Variants in TEKT2 observed in about 807,000 individuals in gnomAD.
TEKT2 encodes the protein tektin-2.
A neutral mutation model predicts 49.8 loss-of-function variants in TEKT2; 45 were observed. The ratio of observed to expected loss-of-function variants is 0.90; its 90% CI spans 0.71 to 1.16. TEKT2 has a LOEUF of 1.16. Ranked by LOEUF, TEKT2 falls within the 50% of genes most tolerant of loss-of-function variation. The pLI, the probability that TEKT2 is intolerant of heterozygous loss-of-function variation, is 0.00. For synonymous variants in TEKT2, 202 were observed against 224.6 expected (o/e 0.90, Z 0.90); for missense variants, 523 against 551.4 (o/e 0.95, Z 0.52).
In TEKT2 at chr1:36,087,471, C is replaced by CATCCGGCACCTGGAGGAGGAT; in HGVS notation, c.889_909dup (p.Ile297_Asp303dup). Reference sequence around the variant, plus strand: ...AGGAGATCGCTGAGCTGCAGGAGGACATCCGGCACCTGGAGGAGGATCTGC... The same window carrying CATCCGGCACCTGGAGGAGGAT: ...AGGAGATCGCTGAGCTGCAGGAGGACATCCGGCACCTGGAGGAGGATATCCGGCACCTGGAGGAGGATCTGC... On this transcript the variant is annotated inframe_insertion, in exon 8 of 10. Coordinates refer to ENST00000207457, the MANE Select transcript of TEKT2 (RefSeq NM_014466.3). The surrounding 1 kb of genome is among the most constrained non-coding windows in gnomAD (Gnocchi z 4.9). 8 of 1,613,782 alleles carry CATCCGGCACCTGGAGGAGGAT rather than the reference C, an allele frequency of 5.0e-6. No individual in the cohort carries two copies. Among genetic ancestry groups the CATCCGGCACCTGGAGGAGGAT allele is most frequent in the Non-Finnish European group, 5.9e-6 (7 of 1,180,028 alleles).
In TEKT2 at chr1:36,087,010, G is replaced by C; in HGVS notation, c.712G>C (p.Glu238Gln). ...RAEAEMKAAT[E>Q]LREATALTIA... is the part of the protein sequence containing the mutation. ...GGAGGCTGAGATGAAGGCAGCCACA[G>C]AGCTGAGGGAGGCCACTGCTCTAAC... The change falls in exon 6 of 10, where the codon GAG becomes CAG. Residue 238 changes from glutamate (E) to glutamine (Q), a missense_variant. Coordinates refer to ENST00000207457, the MANE Select transcript of TEKT2 (RefSeq NM_014466.3). The surrounding 1 kb of genome is among the most constrained non-coding windows in gnomAD (Gnocchi z 4.9). 1.2e-6 allele frequency: 2 copies of C among 1,614,010 alleles called. No homozygotes were observed. The highest frequency in any genetic ancestry group is 1.7e-6 in the Non-Finnish European group (2 of 1,180,032).
chr1:36,087,300 C>G lies in TEKT2; in HGVS notation c.844C>G (p.Gln282Glu). The change falls in exon 7 of 10, where the codon CAA (glutamine) becomes GAA (glutamate). Residue 282 changes from glutamine to glutamate, a missense_variant. Coordinates refer to ENST00000207457, the MANE Select transcript of TEKT2 (RefSeq NM_014466.3). The surrounding 1 kb of genome is among the most constrained non-coding windows in gnomAD (Gnocchi z 4.9). Reference sequence around the variant, plus strand: ...GAAAGTGTACAGTGAGCTCAAGTGGCAAGAGAAGAATGTGAGCATCTCCAG... The same window carrying G: ...GAAAGTGTACAGTGAGCTCAAGTGGGAAGAGAAGAATGTGAGCATCTCCAG... ...MEKVYSELKW[Q>E]EKNTLEEIAE... is the part of the protein sequence containing the mutation. The G allele has an allele frequency of 1.2e-6, 2 of 1,614,046 alleles. No individual in the cohort carries two copies. The highest frequency in any genetic ancestry group is 1.7e-6 in the Non-Finnish European group (2 of 1,180,024).
intron 3 of TEKT2, among the ~76,000 whole-genome samples, chr1:36,085,502 C>CTTTTCTT (rs1643356128): frequency 1.5e-5 from 2 of 131,408 alleles, no homozygotes; most frequent in African/African-American, 3.0e-5. Context: ...TTCTTTCTTT[C>CTTTTCTT]TTTTCTTTTT....
chr1:36,087,685 G>A lies in TEKT2; in HGVS notation c.1000-43G>A, dbSNP rs370708360. ...GTCAAGGGGCAGCACTCAGGTAAAG[G>A]ACAGTGTGGCTGACTTGGAACTCCC... On this transcript the variant is annotated intron_variant, in intron 8 of 9. Transcript: ENST00000207457. This position sits in a 1 kb window ranked among gnomAD's most constrained non-coding sequence, Gnocchi z 4.9. 73 of 1,612,632 alleles carry A rather than the reference G, an allele frequency of 4.5e-5. 1 individual carries two copies. Among genetic ancestry groups the A allele is most frequent in the Middle Eastern group, 1.6e-4 (1 of 6,082 alleles).
At position 36,086,919 on chromosome 1, in the gene TEKT2, T is replaced by G. The variant is rs774751065; in HGVS notation, c.633-12T>G. 1.1e-5 allele frequency: 17 copies of G among 1,613,834 alleles called. No individual in the cohort carries two copies. The highest frequency in any genetic ancestry group is 3.4e-6 in the Non-Finnish European group (4 of 1,180,022). On this transcript the variant is annotated splice_polypyrimidine_tract_variant and intron_variant, in intron 5 of 9. Transcript: ENST00000207457. Reference sequence around the variant, plus strand: ...ACACCCTCATGACCCCCATTTTCCCTGCCACCTGCAGCTCCACCACACTCC... The same window carrying G: ...ACACCCTCATGACCCCCATTTTCCCGGCCACCTGCAGCTCCACCACACTCC...
intron 4 of TEKT2, among the ~76,000 whole-genome samples, 162 bp downstream of exon 4, chr1:36,086,203 C>T (rs1570000507): frequency 2.0e-5 from 3 of 152,284 alleles, no homozygotes; most frequent in Non-Finnish European, 4.4e-5. Flanking sequence ...TAGCACTCTT[C>T]CCACTGCCTG....
In TEKT2 at chr1:36,087,618, G is replaced by C; in HGVS notation, c.999+36G>C. 1 of 1,613,380 alleles carries C rather than the reference G, an allele frequency of 6.2e-7. No individual in the cohort carries two copies. The highest frequency in any genetic ancestry group is 1.1e-5 in the South Asian group (1 of 91,030). On this transcript the variant is annotated intron_variant, in intron 8 of 9. Coordinates refer to ENST00000207457, the MANE Select transcript of TEKT2 (RefSeq NM_014466.3). This position sits in a 1 kb window ranked among gnomAD's most constrained non-coding sequence, Gnocchi z 4.9. ...GTCCCAGTGGCGCACGGGCCCCCTAGCCAAGGTTTTCTCATATTCCTGATG... is the reference window on the plus strand; with the variant it reads ...GTCCCAGTGGCGCACGGGCCCCCTACCCAAGGTTTTCTCATATTCCTGATG...
intron 3 of TEKT2, 156 bp from the exon 4 acceptor site, chr1:36,085,680 C>T (rs1643361075): frequency 2.6e-6 from 2 of 776,256 alleles, no homozygotes; most frequent in South Asian, 1.5e-5. Context: ...CCATCACTCC[C>T]AGCTAATTTT....
Position 36,087,677 on chromosome 1 carries a change from A to T in TEKT2, c.1000-51A>T. The T allele has an allele frequency of 6.2e-7, 1 of 1,612,446 alleles. No individual in the cohort carries two copies. ...GCACTGCTGTCAAGGGGCAGCACTC[A>T]GGTAAAGGACAGTGTGGCTGACTTG... On this transcript the variant is annotated intron_variant, in intron 8 of 9. Coordinates refer to ENST00000207457, the MANE Select transcript of TEKT2 (RefSeq NM_014466.3). The surrounding 1 kb of genome is among the most constrained non-coding windows in gnomAD (Gnocchi z 4.9).
chr1:36,087,486 G>GGA lies in TEKT2; in HGVS notation c.905_906dup (p.Asp303ArgfsTer8). 6.2e-7 allele frequency: 1 copy of GGA among 1,613,852 alleles called. No homozygotes were observed. Among genetic ancestry groups the GGA allele is most frequent in the East Asian group, 2.2e-5 (1 of 44,884 alleles). On this transcript the variant is annotated frameshift_variant, in exon 8 of 10. Transcript: ENST00000207457. LOFTEE classifies it high-confidence loss of function. This position sits in a 1 kb window ranked among gnomAD's most constrained non-coding sequence, Gnocchi z 4.9. ...TGCAGGAGGACATCCGGCACCTGGA[G>GGA]GAGGATCTGCGCACAAAGCTCCTGA...
rs757161612 is a variant in TEKT2, at chr1:36,087,284, C to T, written c.828C>T (p.Tyr276=). The change falls in exon 7 of 10, where the codon TAC becomes TAT. Residue 276 remains tyrosine (Y), a synonymous_variant. Transcript: ENST00000207457. The surrounding 1 kb of genome is among the most constrained non-coding windows in gnomAD (Gnocchi z 4.9). ...RKRLREMEKV[Y]SELKWQEKNT... is the part of the protein sequence containing the mutation. ...GGCTGCGGGAGATGGAGAAAGTGTA[C>T]AGTGAGCTCAAGTGGCAAGAGAAGA... 6.2e-7 allele frequency: 1 copy of T among 1,613,978 alleles called. No homozygotes were observed. Among genetic ancestry groups the T allele is most frequent in the Non-Finnish European group, 8.5e-7 (1 of 1,180,046 alleles).
Position 36,084,765 on chromosome 1 carries a change from G to A in TEKT2, c.-52-105G>A. 42 of 1,102,836 alleles carry A rather than the reference G, an allele frequency of 3.8e-5. No individual in the cohort carries two copies. The South Asian group carries it at 5.3e-4, about 14-fold the overall frequency. The allele number at this position is 1,102,836 out of a possible 1,614,324, so 68.3% of individuals were successfully genotyped here. ...GCTGTCTCCAAGCAGGCTTCCAGCA[G>A]GACAGGGCTCAGAGCAAAATGGACA... On this transcript the variant is annotated intron_variant, in intron 1 of 9. Transcript: ENST00000207457. This position sits in a 1 kb window ranked among gnomAD's most constrained non-coding sequence, Gnocchi z 4.1.
chr1:36,084,534 T>G lies in TEKT2; in HGVS notation c.-52-336T>G. 1 of 337,406 alleles carries G rather than the reference T, an allele frequency of 3.0e-6. No homozygotes were observed. The highest frequency in any genetic ancestry group is 7.6e-5 in the East Asian group (1 of 13,140). 20.9% of individuals were successfully genotyped at this position (337,406 alleles called of 1,614,324 possible). On this transcript the variant is annotated intron_variant, in intron 1 of 9. Coordinates refer to ENST00000207457, the MANE Select transcript of TEKT2 (RefSeq NM_014466.3). The surrounding 1 kb of genome is among the most constrained non-coding windows in gnomAD (Gnocchi z 4.1). ...AGGCATGGTTGGCTGGGGGCAGGTG[T>G]GGAAAATGCATTAAGGGCAATTTTT...
intron 3 of TEKT2, among the ~76,000 whole-genome samples, 196 bp downstream of exon 3, chr1:36,085,484 CT>C (rs374312559): frequency 0.01 from 1,297 of 126,924 alleles, 30 homozygotes; most frequent in African/African-American, 0.035. Flanking sequence ...CTTTTCTTTT[CT>C]TTTTTTTTCT....
Position 36,086,113 on chromosome 1 carries a change from GTAT to G in TEKT2, c.488+74_488+76del. 3 of 1,507,786 alleles carry G rather than the reference GTAT, an allele frequency of 2.0e-6. No homozygotes were observed. In the Admixed American group the frequency reaches 5.9e-5, roughly 30 times the overall value. The allele number at this position is 1,507,786 out of a possible 1,614,324, so 93.4% of individuals were successfully genotyped here. A position where few individuals can be genotyped will look rare whatever the true frequency, so the allele number is the denominator to read the frequency against. The stretch of plus-strand genomic sequence containing the variant: ...TGTGTGCCTTCAATGTGGAACACAG[GTAT>G]TGTGGATGAGGAGCAACTGGCTCTC... On this transcript the variant is annotated intron_variant, in intron 4 of 9. Transcript: ENST00000207457.
Position 36,084,847 on chromosome 1 carries a change from G to A in TEKT2, c.-52-23G>A. Reference sequence around the variant, plus strand: ...CAGGAGGTCTCCGGAAAGGTCTCCCGCAGCAGTGTTTTCCCTCTGCAGGTG... The same window carrying A: ...CAGGAGGTCTCCGGAAAGGTCTCCCACAGCAGTGTTTTCCCTCTGCAGGTG... On this transcript the variant is annotated intron_variant, in intron 1 of 9. Coordinates refer to ENST00000207457, the MANE Select transcript of TEKT2 (RefSeq NM_014466.3). This position sits in a 1 kb window ranked among gnomAD's most constrained non-coding sequence, Gnocchi z 4.1. 2 of 1,603,374 alleles carry A rather than the reference G, an allele frequency of 1.2e-6. No individual in the cohort carries two copies. Among genetic ancestry groups the A allele is most frequent in the Non-Finnish European group, 1.7e-6 (2 of 1,172,686 alleles).
Position 36,085,009 on chromosome 1 carries a change from C to G in TEKT2, c.88C>G (p.Leu30Val). Reference sequence around the variant, plus strand: ...CTACCTGCTATCCACCAATGCCCAGCTGCAGCGAGATGCTTCCCATCAGAT... The same window carrying G: ...CTACCTGCTATCCACCAATGCCCAGGTGCAGCGAGATGCTTCCCATCAGAT... The part of the protein sequence containing the change: ...NSYLLSTNAQ[L>V]QRDASHQIRQ... Residue 30 changes from leucine (L) to valine (V), a missense_variant, in exon 2 of 10, where the codon CTG (leucine) becomes GTG (valine). Coordinates refer to ENST00000207457, the MANE Select transcript of TEKT2 (RefSeq NM_014466.3). 2.5e-6 allele frequency: 4 copies of G among 1,614,082 alleles called. No individual in the cohort carries two copies. In the South Asian group the frequency reaches 4.4e-5, roughly 18 times the overall value.
chr1:36,084,287 G>C lies in TEKT2; in HGVS notation c.-53+138G>C, dbSNP rs1022655577. On this transcript the variant is annotated intron_variant, in intron 1 of 9. Coordinates refer to ENST00000207457, the MANE Select transcript of TEKT2 (RefSeq NM_014466.3). The surrounding 1 kb of genome is among the most constrained non-coding windows in gnomAD (Gnocchi z 4.1). ...CCGGACTGACCCCAGCTCTTCCCAC[G>C]GGGCTCTCCCTGTCCGGCCTTCCCC... 6 of 159,422 alleles carry C rather than the reference G, an allele frequency of 3.8e-5. No homozygotes were observed. The highest frequency in any genetic ancestry group is 1.4e-4 in the African/African-American group (6 of 41,494). The allele number at this position is 159,422 out of a possible 1,614,324, so 9.9% of individuals were successfully genotyped here.
rs767756974 is a variant in TEKT2 at position 36,087,513 on chromosome 1, C to A, written c.930C>A (p.Ser310Arg). 5 of 1,613,832 alleles carry A rather than the reference C, an allele frequency of 3.1e-6. No homozygotes were observed. The Admixed American group carries it at 5.0e-5, about 16-fold the overall frequency. The change falls in exon 8 of 10, where the codon AGC (serine) becomes AGA (arginine). Residue 310 changes from serine (S) to arginine (R), a missense_variant. Coordinates refer to ENST00000207457, the MANE Select transcript of TEKT2 (RefSeq NM_014466.3). This position sits in a 1 kb window ranked among gnomAD's most constrained non-coding sequence, Gnocchi z 4.9. ...LEEDLRTKLL[S>R]LKLSHTRLEA... ...AGGATCTGCGCACAAAGCTCCTGAG[C>A]CTGAAGCTGTCCCATACCCGGCTAG...
Sources: allele counts gnomAD v4.1 joint callset (sites outside exome capture counted in the v4.1 genomes callset), GRCh38; gene constraint gnomAD v4.1.1; non-coding constraint Gnocchi (gnomAD v3.1); transcripts MANE v1.5; gene names NCBI Gene and HGNC (gene_info 2026-07-23, HGNC 2026-07-21).